The following TMCC1 variants were observed in gnomAD, a reference collection of about 807,000 sequenced individuals.
TMCC1 encodes the protein transmembrane and coiled-coil domains protein 1.
Under a neutral mutation model 52.4 loss-of-function variants are expected in TMCC1, and 15 were observed. The ratio of observed to expected loss-of-function variants is 0.29; its 90% confidence interval spans 0.19 to 0.44. The LOEUF (loss-of-function observed/expected upper bound fraction) is 0.44, where lower values mean the gene tolerates loss of function less well. TMCC1 is among the 20% of genes least tolerant of loss of function. The probability of loss-of-function intolerance (pLI) is 1.00; values close to 1 mark genes in which losing one functional copy is unlikely to be tolerated. For missense variants in TMCC1, 503 were observed against 806.0 expected (o/e 0.62, Z 4.55); for synonymous variants, 279 against 301.9 (o/e 0.92, Z 0.79).
intron 4 of TMCC1, among the ~76,000 whole-genome samples, chr3:129,822,674 C>T (rs1313133175): frequency 6.6e-6 from 1 of 152,184 alleles, no homozygotes; most frequent in Admixed American, 6.5e-5. Context: ...GGCAAGAATG[C>T]TGAACACAAA....
chr3:129,781,474 C>G (rs193190865), intron 4 of TMCC1, among the ~76,000 whole-genome samples: 12 of 152,252 alleles, frequency 7.9e-5, no homozygotes, highest in Non-Finnish European at 1.5e-4. Context: ...CCTTCCCCCT[C>G]TTTCAGCTCT....
chr3:129,837,246 C>CTGCATAAATCTG (rs2059200931), intron 2 of TMCC1, among the ~76,000 whole-genome samples: 1 of 152,002 alleles, frequency 6.6e-6, no homozygotes, highest in Non-Finnish European at 1.5e-5. Context: ...GAGGCTTAAC[C>CTGCATAAATCTG]AGAACATCAC....
chr3:129,808,498 A>AATG (rs1336311325), intron 4 of TMCC1, among the ~76,000 whole-genome samples: 1 of 151,388 alleles, frequency 6.6e-6, no homozygotes, highest in Non-Finnish European at 1.5e-5. Flanking sequence ...TAATAATAAT[A>AATG]ATAATAAAAT....
intron 4 of TMCC1, among the ~76,000 whole-genome samples, chr3:129,792,226 AC>A (rs2056523703): frequency 1.3e-5 from 2 of 151,250 alleles, no homozygotes; most frequent in Admixed American, 6.6e-5. Flanking sequence ...CTATGAAAAA[AC>A]GATTTCATTT....
At chr3:129,785,581 AC>A (rs2107735935) in intron 4 of TMCC1, among the ~76,000 whole-genome samples, 4 of 146,072 alleles carry the variant, frequency 2.7e-5, no homozygotes, top group African/African-American at 1.1e-4. Flanking sequence ...ACACACACAC[AC>A]ACAAACACAC....
At chr3:129,774,300 C>T (rs932033309) in intron 4 of TMCC1, among the ~76,000 whole-genome samples, 1 of 152,148 alleles carries the variant, frequency 6.6e-6, no homozygotes, top group Admixed American at 6.5e-5. Flanking sequence ...TATCAGTTTC[C>T]TTATGAACTA....
intron 4 of TMCC1, among the ~76,000 whole-genome samples, chr3:129,696,984 G>A (rs1011030137): frequency 6.6e-6 from 1 of 152,320 alleles, no homozygotes; most frequent in East Asian, 1.9e-4. Context: ...TTAGGTGTCT[G>A]CAGCTTTTCC....
chr3:129,697,393 T>C (rs1310184756), intron 4 of TMCC1, among the ~76,000 whole-genome samples: 1 of 152,164 alleles, frequency 6.6e-6, no homozygotes, highest in African/African-American at 2.4e-5. Context: ...ACCAAACCTG[T>C]GGGCTGTACA....
At chr3:129,733,689 CT>C (rs1178916492) in intron 4 of TMCC1, among the ~76,000 whole-genome samples, 1 of 152,108 alleles carries the variant, frequency 6.6e-6, no homozygotes, top group Non-Finnish European at 1.5e-5. Context: ...GTTTTGCGGT[CT>C]TGAAAACAGA....
intron 4 of TMCC1, among the ~76,000 whole-genome samples, chr3:129,730,255 C>A (rs887960329): frequency 8.5e-5 from 13 of 152,066 alleles, no homozygotes; most frequent in Non-Finnish European, 8.8e-5. Flanking sequence ...GCATCTTTCA[C>A]AGATTAAAAA....
intron 4 of TMCC1, among the ~76,000 whole-genome samples, chr3:129,752,747 A>G (rs1042805151): frequency 2.0e-5 from 3 of 152,180 alleles, no homozygotes; most frequent in Admixed American, 6.5e-5. Flanking sequence ...AATTTCAAAG[A>G]ATAAGGCACC....
intron 4 of TMCC1, among the ~76,000 whole-genome samples, chr3:129,684,881 C>A (rs997557236): frequency 6.6e-6 from 1 of 152,066 alleles, no homozygotes; most frequent in African/African-American, 2.4e-5. Flanking sequence ...AAGACTGAGG[C>A]TTTACAATTT....
At chr3:129,821,898 C>CA (rs2058442578) in intron 4 of TMCC1, among the ~76,000 whole-genome samples, 1 of 151,866 alleles carries the variant, frequency 6.6e-6, no homozygotes. Flanking sequence ...AACTCCTCTA[C>CA]AAAAAAATAC....
At chr3:129,890,515 A>G (rs531770606) in intron 1 of TMCC1, among the ~76,000 whole-genome samples, 17 of 152,200 alleles carry the variant, frequency 1.1e-4, no homozygotes, top group Non-Finnish European at 1.5e-4. Flanking sequence ...TTCGCAACAC[A>G]TCTATGAGCA....
chr3:129,825,094 C>A (rs1421568113), intron 4 of TMCC1, among the ~76,000 whole-genome samples: 1 of 152,130 alleles, frequency 6.6e-6, no homozygotes, highest in East Asian at 1.9e-4. Context: ...GGCATCCATC[C>A]CCTCACTTCC....
chr3:129,665,671 T>G lies in TMCC1; in HGVS notation c.1511+4659A>C, dbSNP rs186077480. 2.0e-5 allele frequency among the ~76,000 whole-genome samples: 3 copies of G among 152,312 alleles called. No homozygotes were observed. The East Asian group carries it at 5.8e-4, about 29-fold the overall frequency. ...TCAGAGAGCTAGGCTTTCAACCATA[T>G]AGATTTCGGGATTGAGCTTTGAAAA... is the stretch of plus-strand genomic sequence containing the variant. On this transcript the variant is annotated intron_variant, in intron 5 of 6. Transcript: ENST00000393238.
At chr3:129,750,569 A>C (rs1409117365) in intron 4 of TMCC1, among the ~76,000 whole-genome samples, 1 of 106,186 alleles carries the variant, frequency 9.4e-6, no homozygotes, top group Non-Finnish European at 1.8e-5. Flanking sequence ...AATAGATCTA[A>C]ATTTTTTTTT....
chr3:129,801,266 A>G (rs2057175697), intron 4 of TMCC1, among the ~76,000 whole-genome samples: 1 of 151,418 alleles, frequency 6.6e-6, no homozygotes, highest in Non-Finnish European at 1.5e-5. Flanking sequence ...CATACTACCC[A>G]TATTATCTAT....
At position 129,838,054 on chromosome 3, in the gene TMCC1, T is replaced by C. The variant is rs565921922; in HGVS notation, c.-183-5228A>G. On this transcript the variant is annotated intron_variant, in intron 2 of 6. Transcript: ENST00000393238. The stretch of plus-strand genomic sequence containing the variant: ...GAAGAGACAACAGAGAAGAAACATT[T>C]GAATGGCCAAGAACTTACCGAAATT... 5.3e-5 allele frequency among the ~76,000 whole-genome samples: 8 copies of C among 152,262 alleles called. No homozygotes were observed. The South Asian group carries it at 1.7e-3, about 32-fold the overall frequency.
Sources: allele counts gnomAD v4.1 joint callset (sites outside exome capture counted in the v4.1 genomes callset), GRCh38; gene constraint gnomAD v4.1.1; transcripts MANE v1.5; gene names NCBI Gene and HGNC (gene_info 2026-07-23, HGNC 2026-07-21).